Variants in COLQ observed in about 807,000 individuals in gnomAD.
The protein encoded by COLQ is collagen like tail subunit of asymmetric acetylcholinesterase.
COLQ carries 48 observed loss-of-function variants against 69.0 expected under a neutral mutation model. That is an observed-to-expected ratio of 0.70 (90% CI 0.55 to 0.88). COLQ has a LOEUF of 0.88. Among genes scored for constraint, COLQ ranks in the 40% least tolerant of loss-of-function variants. The pLI, the probability that COLQ is intolerant of heterozygous loss-of-function variation, is 0.00. For synonymous variants in COLQ, 217 were observed against 211.2 expected, an observed-to-expected ratio of 1.03 and a Z score of -0.24; for missense variants, 618 against 594.6, an observed-to-expected ratio of 1.04 and a Z score of -0.41.
At chr3:15,453,296 T>G (rs565950464) in intron 16 of COLQ, among the ~76,000 whole-genome samples, 3 of 152,142 alleles carry the variant, frequency 2.0e-5, no homozygotes, top group South Asian at 4.1e-4. Flanking sequence ...AGAGGGGTCC[T>G]TGGAGGGAGT....
intron 12 of COLQ, among the ~76,000 whole-genome samples, chr3:15,464,823 C>A (rs1489984132): frequency 6.6e-6 from 1 of 152,172 alleles, no homozygotes; most frequent in African/African-American, 2.4e-5. Flanking sequence ...AAAGCCCCTA[C>A]CATGAGCTGA....
intron 16 of COLQ, 65 bp from the exon 17 acceptor site, chr3:15,451,778 C>T: frequency 2.1e-6 from 3 of 1,436,346 alleles, no homozygotes; most frequent in Non-Finnish European, 2.9e-6. Context: ...CCGGTCAAAC[C>T]TTATCAAACA....
rs770843659 is a variant in COLQ at position 15,521,666 on chromosome 3, T to C, written c.-41A>G. Reference sequence around the variant, plus strand: ...GCGAGGGTCAAGTTAGAAAGGAGGCTGCTGCGGAGCCTTGCTTATCTCTGC... The same window carrying C: ...GCGAGGGTCAAGTTAGAAAGGAGGCCGCTGCGGAGCCTTGCTTATCTCTGC... On this transcript the variant is annotated 5_prime_UTR_variant, in exon 1 of 17. Transcript: ENST00000383788. 1 of 1,613,264 alleles carries C rather than the reference T, an allele frequency of 6.2e-7. No homozygotes were observed. Among genetic ancestry groups the C allele is most frequent in the Non-Finnish European group, 8.5e-7 (1 of 1,179,738 alleles).
In COLQ at chr3:15,509,184, A is replaced by G. The variant is rs150584169; in HGVS notation, c.106+12336T>C. On this transcript the variant is annotated intron_variant, in intron 1 of 16. Transcript: ENST00000383788. Reference sequence around the variant, plus strand: ...TGCTGGCATTCCACTTGAAAATCTCATATTTAATCATTTTCCTCTGACTGC... The same window carrying G: ...TGCTGGCATTCCACTTGAAAATCTCGTATTTAATCATTTTCCTCTGACTGC... Among the ~76,000 whole-genome samples the G allele has an allele frequency of 1.5e-3, 227 of 152,316 alleles. 1 individual carries two copies. Among genetic ancestry groups the G allele is most frequent in the African/African-American group, 5.3e-3 (221 of 41,560 alleles).
intron 1 of COLQ, among the ~76,000 whole-genome samples, chr3:15,512,763 A>C (rs771278990): frequency 1.3e-5 from 2 of 152,232 alleles, no homozygotes; most frequent in Non-Finnish European, 2.9e-5. Context: ...AAAGTACTTT[A>C]TGCTCATAAT....
intron 12 of COLQ, among the ~76,000 whole-genome samples, chr3:15,464,232 G>C (rs969040411): frequency 2.6e-5 from 4 of 152,202 alleles, no homozygotes; most frequent in Non-Finnish European, 5.9e-5. Flanking sequence ...AGAAAGAATG[G>C]TTGTGGGGTG....
chr3:15,454,663 T>A (rs1399808199), intron 15 of COLQ, among the ~76,000 whole-genome samples: 5 of 148,834 alleles, frequency 3.4e-5, no homozygotes, highest in African/African-American at 1.3e-4. Flanking sequence ...TTTTTTTTTT[T>A]TTTTTTTTTT....
intron 1 of COLQ, among the ~76,000 whole-genome samples, chr3:15,507,648 G>A (rs375510887): frequency 1.3e-5 from 2 of 152,142 alleles, no homozygotes; most frequent in African/African-American, 4.8e-5. Flanking sequence ...GCAAGATGGG[G>A]TTTTGCCATG....
chr3:15,504,573 T>G (rs2062878519), intron 1 of COLQ, among the ~76,000 whole-genome samples: 1 of 152,196 alleles, frequency 6.6e-6, no homozygotes, highest in East Asian at 1.9e-4. Flanking sequence ...TATAGTCACA[T>G]TCTGGCTGGG....
At chr3:15,516,772 C>T (rs1275028735) in intron 1 of COLQ, among the ~76,000 whole-genome samples, 3 of 152,196 alleles carry the variant, frequency 2.0e-5, no homozygotes, top group African/African-American at 4.8e-5. Context: ...AAGTCATGCA[C>T]ACTTTAATAT....
intron 1 of COLQ, chr3:15,498,983 A>C: frequency 8.7e-7 from 1 of 1,155,874 alleles, no homozygotes; most frequent in Non-Finnish European, 1.1e-6. Flanking sequence ...TCAAAATACC[A>C]CAGCAGTATT....
rs1488016777 is a variant in COLQ, at chr3:15,451,730, C to T, written c.1299-17G>A. On this transcript the variant is annotated splice_polypyrimidine_tract_variant and intron_variant, in intron 16 of 16. Coordinates refer to ENST00000383788, the MANE Select transcript of COLQ (RefSeq NM_005677.4). ...CCATATGACCTGAGGGAGGCAAAGA[C>T]ACGTTCTAAAAGGCCACCTCTTATA... 3 of 1,612,494 alleles carry T rather than the reference C, an allele frequency of 1.9e-6. No homozygotes were observed. Among genetic ancestry groups the T allele is most frequent in the Non-Finnish European group, 2.5e-6 (3 of 1,178,930 alleles).
At chr3:15,456,666 C>G in intron 13 of COLQ, 87 bp from the exon 14 acceptor site, 6 of 1,570,980 alleles carry the variant, frequency 3.8e-6, no homozygotes, top group Non-Finnish European at 4.3e-6. Context: ...GAATCTCTAT[C>G]CTTGGGCTGC....
chr3:15,502,461 G>C (rs927788402), intron 1 of COLQ, among the ~76,000 whole-genome samples: 8 of 152,016 alleles, frequency 5.3e-5, no homozygotes, highest in Middle Eastern at 3.4e-3. Context: ...TGTCACCTAG[G>C]CTGGAGTGCA....
intron 1 of COLQ, among the ~76,000 whole-genome samples, chr3:15,494,077 A>G (rs941299111): frequency 3.3e-5 from 5 of 152,232 alleles, no homozygotes; most frequent in African/African-American, 1.2e-4. Context: ...TCTTAAAGGA[A>G]TAGTGACTGT....
chr3:15,492,530 A>G (rs1165661350), intron 1 of COLQ, among the ~76,000 whole-genome samples: 1 of 152,054 alleles, frequency 6.6e-6, no homozygotes, highest in Non-Finnish European at 1.5e-5. Context: ...AGCCGGGCGT[A>G]GTGGTGGGCG....
At position 15,453,946 on chromosome 3, in the gene COLQ, G is replaced by T; in HGVS notation, c.1196-15C>A. ...ACGGTGACAGCCTGAGGGGACATAAGGAGGTGCAGTCTTGAGAAGGAGCAG... is the reference window on the plus strand; with the variant it reads ...ACGGTGACAGCCTGAGGGGACATAATGAGGTGCAGTCTTGAGAAGGAGCAG... On this transcript the variant is annotated splice_polypyrimidine_tract_variant and intron_variant, in intron 15 of 16. Coordinates refer to ENST00000383788, the MANE Select transcript of COLQ (RefSeq NM_005677.4). The T allele has an allele frequency of 6.3e-7, 1 of 1,578,728 alleles. No homozygotes were observed. The highest frequency in any genetic ancestry group is 2.3e-5 in the East Asian group (1 of 43,588).
intron 3 of COLQ, among the ~76,000 whole-genome samples, chr3:15,484,891 TCTCAA>T (rs1402165598): frequency 6.6e-6 from 1 of 152,264 alleles, no homozygotes; most frequent in Non-Finnish European, 1.5e-5. Context: ...AGCCTTCTTC[TCTCAA>T]CTCATCAAAG....
intron 3 of COLQ, among the ~76,000 whole-genome samples, chr3:15,480,770 A>G (rs149627291): frequency 0.38 from 57,753 of 152,056 alleles, 11,088 homozygotes; most frequent in East Asian, 0.49. Flanking sequence ...GTCTTCCACA[A>G]TGGTTGAACT....
Sources: allele counts gnomAD v4.1 joint callset (sites outside exome capture counted in the v4.1 genomes callset), GRCh38; gene constraint gnomAD v4.1.1; transcripts MANE v1.5; gene names NCBI Gene and HGNC (gene_info 2026-07-23, HGNC 2026-07-21).